Variants in PCDHGB4 observed in about 807,000 individuals in gnomAD.
PCDHGB4 encodes protocadherin gamma subfamily B, 4.
A neutral mutation model predicts 60.5 loss-of-function variants in PCDHGB4; 38 were observed. That is an observed-to-expected ratio of 0.63 (90% CI 0.48 to 0.82). The LOEUF is 0.82. Among genes scored for constraint, PCDHGB4 ranks in the 40% least tolerant of loss-of-function variants. PCDHGB4 has a pLI of 0.00. For missense variants in PCDHGB4, 1,109 were observed against 1,209.6 expected, an observed-to-expected ratio of 0.92 and a Z score of 1.23; for synonymous variants, 456 against 509.7, an observed-to-expected ratio of 0.89 and a Z score of 1.42.
At position 141,420,340 on chromosome 5, in the gene PCDHGB4, G is replaced by A. The variant is rs1405507680; in HGVS notation, c.2397+30059G>A. ...ATATGCCAATATATTCCAATATAGT[G>A]GTATTATTTTAAGATTCTAGATAAC... On this transcript the variant is annotated intron_variant, in intron 1 of 3. Transcript: ENST00000519479. The A allele has an allele frequency of 2.9e-6, 4 of 1,387,388 alleles. No homozygotes were observed. In the African/African-American group the frequency reaches 4.4e-5, roughly 15 times the overall value. 85.9% of individuals were successfully genotyped at this position (1,387,388 alleles called of 1,614,324 possible). A position where few individuals can be genotyped will look rare whatever the true frequency, so the allele number is the denominator to read the frequency against.
intron 1 of PCDHGB4, among the ~76,000 whole-genome samples, chr5:141,472,402 G>A (rs569497172): frequency 8.5e-5 from 13 of 152,160 alleles, no homozygotes; most frequent in South Asian, 2.1e-4. Context: ...TTAGCCAGGC[G>A]TGGTGGCACG....
At chr5:141,502,484 G>A (rs962659219) in intron 2 of PCDHGB4, among the ~76,000 whole-genome samples, 1 of 152,000 alleles carries the variant, frequency 6.6e-6, no homozygotes. Context: ...CATCACACTG[G>A]GACTCATCTA....
chr5:141,437,037 A>G (rs1410732155), intron 1 of PCDHGB4, among the ~76,000 whole-genome samples: 2 of 152,264 alleles, frequency 1.3e-5, no homozygotes, highest in Admixed American at 1.3e-4. Flanking sequence ...TGGATCACCG[A>G]AACCAGAAGG....
At chr5:141,500,260 C>G (rs2099798502) in intron 2 of PCDHGB4, among the ~76,000 whole-genome samples, 3 of 151,104 alleles carry the variant, frequency 2.0e-5, no homozygotes, top group African/African-American at 2.4e-5. Flanking sequence ...CCAGGCTGGA[C>G]TGCAGTGGCG....
Position 141,404,625 on chromosome 5 carries a change from A to G in PCDHGB4, c.2397+14344A>G, listed in dbSNP as rs375300806. The G allele has an allele frequency of 9.0e-5, 146 of 1,614,036 alleles. No homozygotes were observed. The highest frequency in any genetic ancestry group is 5.1e-4 in the South Asian group (46 of 91,078). On this transcript the variant is annotated intron_variant, in intron 1 of 3. Transcript: ENST00000519479. ...CTGTTTGTTTTGGACCAGAATGACA[A>G]TGCCCCAGAAATCCTGTACCCTGCC...
chr5:141,498,065 G>C (rs1197771947), intron 2 of PCDHGB4, among the ~76,000 whole-genome samples: 1 of 152,220 alleles, frequency 6.6e-6, no homozygotes, highest in Non-Finnish European at 1.5e-5. Context: ...GACTGAAACT[G>C]TCATAAGTGC....
intron 3 of PCDHGB4, among the ~76,000 whole-genome samples, chr5:141,505,766 C>T (rs1420683619): frequency 2.0e-5 from 3 of 151,768 alleles, no homozygotes; most frequent in African/African-American, 4.8e-5. Context: ...CAGTGTAGCT[C>T]AGGTCCTAGC....
intron 1 of PCDHGB4, among the ~76,000 whole-genome samples, chr5:141,475,732 C>T (rs2099367914): frequency 6.6e-6 from 1 of 152,248 alleles, no homozygotes; most frequent in Non-Finnish European, 1.5e-5. Context: ...GCTGGCTTTC[C>T]CTAAGGTAGG....
chr5:141,425,015 A>G (rs1285592254), intron 1 of PCDHGB4, among the ~76,000 whole-genome samples: 2 of 152,190 alleles, frequency 1.3e-5, no homozygotes, highest in East Asian at 3.8e-4. Context: ...TCATTTAGGA[A>G]TTTACCTTAT....
At chr5:141,413,244 C>T in intron 1 of PCDHGB4, 3 of 1,613,984 alleles carry the variant, frequency 1.9e-6, no homozygotes, top group Non-Finnish European at 2.5e-6. Flanking sequence ...TCTGCCTTTT[C>T]TTCGGGATTC....
intron 1 of PCDHGB4, chr5:141,398,029 G>C (rs1363038637): frequency 2.7e-6 from 4 of 1,458,540 alleles, no homozygotes; most frequent in Non-Finnish European, 3.7e-6. Flanking sequence ...ACTGGAACTG[G>C]AACTAAAGCC....
At chr5:141,458,130 C>A (rs1441742986) in intron 1 of PCDHGB4, among the ~76,000 whole-genome samples, 2 of 152,248 alleles carry the variant, frequency 1.3e-5, no homozygotes, top group African/African-American at 4.8e-5. Flanking sequence ...AGGAACCAGG[C>A]AGAGAAAAAT....
rs902790467 is a variant in PCDHGB4 at position 141,395,519 on chromosome 5, C to A, written c.2397+5238C>A. 1.5e-5 allele frequency: 6 copies of A among 409,366 alleles called. 1 individual carries two copies. The highest frequency in any genetic ancestry group is 1.3e-4 in the African/African-American group (6 of 47,696). The allele number at this position is 409,366 out of a possible 1,614,324, so 25.4% of individuals were successfully genotyped here. On this transcript the variant is annotated intron_variant, in intron 1 of 3. Transcript: ENST00000519479. ...TTCACTTAAGAAGTAGCTACCCGTC[C>A]ATACTGGTAATTTTGCTATTGTTTG...
intron 1 of PCDHGB4, chr5:141,428,040 G>A: frequency 6.2e-7 from 1 of 1,608,668 alleles, no homozygotes; most frequent in Non-Finnish European, 8.5e-7. Flanking sequence ...CGGCTACCTG[G>A]TGACCAAGGT....
chr5:141,409,887 T>C, intron 1 of PCDHGB4: 2 of 1,613,062 alleles, frequency 1.2e-6, no homozygotes, highest in Admixed American at 1.7e-5. Context: ...GCACCGCGGG[T>C]GCTGTACCCA....
chr5:141,483,501 G>A (rs1022338958), intron 1 of PCDHGB4, among the ~76,000 whole-genome samples: 2 of 150,394 alleles, frequency 1.3e-5, no homozygotes, highest in Admixed American at 1.3e-4. Context: ...ATGAGTCAAG[G>A]CTGATCCCCC....
rs1193417991 is a variant in PCDHGB4 at position 141,491,413 on chromosome 5, G to C, written c.2398-3394G>C. 5.0e-6 allele frequency: 8 copies of C among 1,613,946 alleles called. No individual in the cohort carries two copies. Among genetic ancestry groups the C allele is most frequent in the African/African-American group, 1.3e-5 (1 of 74,906 alleles). ...CCTTCAGGGAAACGCAGACGGGGAC[G>C]GGGGTGGAGGGCAGTGCTGCAGGCG... On this transcript the variant is annotated intron_variant, in intron 1 of 3. Transcript: ENST00000519479. The surrounding 1 kb of genome is among the most constrained non-coding windows in gnomAD (Gnocchi z 6.9).
At chr5:141,482,530 CAAAAAAAAA>C (rs3074545) in intron 1 of PCDHGB4, among the ~76,000 whole-genome samples, 16 of 76,560 alleles carry the variant, frequency 2.1e-4, no homozygotes, top group African/African-American at 7.7e-4. Context: ...GACAGACATG[CAAAAAAAAA>C]AAAAAAAAAA....
rs752578230 is a variant in PCDHGB4 at position 141,388,628 on chromosome 5, G to A, written c.744G>A (p.Arg248=). ...CAGTGTTCAGTCAAGACGTATACAGGGTGAGCCTTTCAGAAAACGTGTACC... is the reference window on the plus strand; with the variant it reads ...CAGTGTTCAGTCAAGACGTATACAGAGTGAGCCTTTCAGAAAACGTGTACC... ...NAPVFSQDVY[R]VSLSENVYPG... is the part of the protein sequence containing the mutation. The change falls in exon 1 of 4, where the codon AGG becomes AGA. Residue 248 remains arginine (R), a synonymous_variant. Transcript: ENST00000519479. 2 of 1,613,898 alleles carry A rather than the reference G, an allele frequency of 1.2e-6. No individual in the cohort carries two copies.
Sources: allele counts gnomAD v4.1 joint callset (sites outside exome capture counted in the v4.1 genomes callset), GRCh38; gene constraint gnomAD v4.1.1; non-coding constraint Gnocchi (gnomAD v3.1); transcripts MANE v1.5; gene names NCBI Gene and HGNC (gene_info 2026-07-23, HGNC 2026-07-21).